Variants in CLMP observed in about 807,000 individuals in gnomAD.
CLMP encodes the protein CXADR-like membrane protein.
In CLMP, 27 loss-of-function variants were observed where a neutral mutation model predicts 45.2. The ratio of observed to expected loss-of-function variants is 0.60; its 90% confidence interval spans 0.44 to 0.82. The LOEUF is 0.82. Ranked by LOEUF, CLMP falls within the 40% of genes least tolerant of loss-of-function variation. CLMP has a pLI of 0.00. For missense variants in CLMP, 403 were observed against 448.4 expected, an observed-to-expected ratio of 0.90 and a Z score of 0.91; for synonymous variants, 167 against 171.4, an observed-to-expected ratio of 0.97 and a Z score of 0.20.
chr11:123,098,166 C>T (rs898252415), intron 1 of CLMP, among the ~76,000 whole-genome samples: 3 of 152,192 alleles, frequency 2.0e-5, no homozygotes, highest in Admixed American at 6.5e-5. Context: ...CCCCAAATTA[C>T]ATCCTACTAG....
chr11:123,150,507 G>GGAAA (rs1565397546), intron 1 of CLMP, among the ~76,000 whole-genome samples: 5 of 124,436 alleles, frequency 4.0e-5, no homozygotes, highest in African/African-American at 1.6e-4. Flanking sequence ...AAGGAAGGAA[G>GGAAA]GAAGGAAGGA....
chr11:123,085,938 C>T (rs920235222), intron 2 of CLMP, among the ~76,000 whole-genome samples: 4 of 151,704 alleles, frequency 2.6e-5, no homozygotes, highest in Non-Finnish European at 4.4e-5. Flanking sequence ...CACCATGACT[C>T]GCTCATTTTT....
intron 1 of CLMP, among the ~76,000 whole-genome samples, chr11:123,119,011 C>T (rs1173155085): frequency 1.1e-4 from 4 of 34,926 alleles, no homozygotes; most frequent in Admixed American, 3.4e-4. Context: ...CTCTCTCTCT[C>T]TCTCTCTCTC....
chr11:123,115,684 C>T (rs899951657), intron 1 of CLMP, among the ~76,000 whole-genome samples: 5 of 151,966 alleles, frequency 3.3e-5, no homozygotes, highest in Non-Finnish European at 2.9e-5. Context: ...TCCAAGGTGC[C>T]GGTTCTATTT....
At chr11:123,141,985 C>CTCTTTTTTTTTT (rs1861167822) in intron 1 of CLMP, among the ~76,000 whole-genome samples, 1 of 117,558 alleles carries the variant, frequency 8.5e-6, no homozygotes, top group Non-Finnish European at 1.7e-5. Context: ...TCCCCCCAGC[C>CTCTTTTTTTTTT]TTTTTTTTTT....
At chr11:123,159,402 T>A (rs572380670) in intron 1 of CLMP, among the ~76,000 whole-genome samples, 1 of 151,918 alleles carries the variant, frequency 6.6e-6, no homozygotes, top group Non-Finnish European at 1.5e-5. Context: ...GTGCGGTGGG[T>A]GAGGAGGCTA....
At chr11:123,117,047 G>A (rs1445702725) in intron 1 of CLMP, among the ~76,000 whole-genome samples, 3 of 152,072 alleles carry the variant, frequency 2.0e-5, no homozygotes, top group Admixed American at 2.0e-4. Flanking sequence ...TTAGGAGTTC[G>A]AGACCAGCCT....
chr11:123,169,150 T>C (rs1861597164), intron 1 of CLMP, among the ~76,000 whole-genome samples: 1 of 152,178 alleles, frequency 6.6e-6, no homozygotes, highest in African/African-American at 2.4e-5. Flanking sequence ...GGGCTCCAAA[T>C]GTCCAGGAGG....
At chr11:123,150,234 A>T (rs1202340500) in intron 1 of CLMP, among the ~76,000 whole-genome samples, 1 of 150,248 alleles carries the variant, frequency 6.7e-6, no homozygotes, top group Non-Finnish European at 1.5e-5. Flanking sequence ...ACACACAGGG[A>T]TTAGATCATA....
chr11:123,194,941 C>A lies in CLMP; in HGVS notation c.-1G>T. 6.2e-7 allele frequency: 1 copy of A among 1,612,408 alleles called. No individual in the cohort carries two copies. On this transcript the variant is annotated 5_prime_UTR_variant, in exon 1 of 7. Transcript: ENST00000448775. ...GCAAGAGGAGAAGGAGGAGGGACAT[C>A]CCGATCCCCGGACGCGGGCGCTTCC...
At chr11:123,088,385 C>T (rs1865889326) in intron 2 of CLMP, among the ~76,000 whole-genome samples, 1 of 152,148 alleles carries the variant, frequency 6.6e-6, no homozygotes, top group Non-Finnish European at 1.5e-5. Context: ...GGCAGGTAAG[C>T]TTGGAACACT....
At chr11:123,074,954 G>GTTTT in intron 5 of CLMP, 111 bp from the exon 6 acceptor site, 2 of 1,163,050 alleles carry the variant, frequency 1.7e-6, no homozygotes, top group East Asian at 2.7e-5. Flanking sequence ...AGGTTTGTTT[G>GTTTT]TTTTGTTTTT....
chr11:123,112,769 C>CT (rs1860657355), intron 1 of CLMP, among the ~76,000 whole-genome samples: 8 of 128,532 alleles, frequency 6.2e-5, no homozygotes, highest in Non-Finnish European at 1.1e-4. Context: ...TGTTAGTACC[C>CT]ATTTTTTTTT....
intron 1 of CLMP, among the ~76,000 whole-genome samples, chr11:123,099,438 TA>T (rs2135481678): frequency 6.6e-6 from 1 of 152,318 alleles, no homozygotes; most frequent in East Asian, 1.9e-4. Context: ...TATAGGCAAT[TA>T]ATTATAGGGT....
At chr11:123,168,355 C>G (rs932444040) in intron 1 of CLMP, among the ~76,000 whole-genome samples, 10 of 152,182 alleles carry the variant, frequency 6.6e-5, no homozygotes, top group East Asian at 1.9e-4. Flanking sequence ...CAGCTGCCCC[C>G]CCTGGTTCTT....
chr11:123,188,638 C>T (rs1435449107), intron 1 of CLMP, among the ~76,000 whole-genome samples: 2 of 152,188 alleles, frequency 1.3e-5, no homozygotes, highest in African/African-American at 4.8e-5. Context: ...AGCTTTCTCC[C>T]CTGCCTGCTG....
intron 1 of CLMP, among the ~76,000 whole-genome samples, chr11:123,129,387 A>C (rs766829442): frequency 5.2e-4 from 74 of 141,088 alleles, no homozygotes; most frequent in Admixed American, 6.7e-4. Context: ...ATATCATATG[A>C]TATATTATAT....
At chr11:123,142,054 G>C (rs1220005899) in intron 1 of CLMP, among the ~76,000 whole-genome samples, 1 of 148,158 alleles carries the variant, frequency 6.7e-6, no homozygotes, top group Non-Finnish European at 1.5e-5. Flanking sequence ...GTGTGAGCAC[G>C]GCCCACTGGA....
chr11:123,180,745 T>C (rs1861757843), intron 1 of CLMP, among the ~76,000 whole-genome samples: 1 of 152,170 alleles, frequency 6.6e-6, no homozygotes, highest in Admixed American at 6.5e-5. Context: ...GTGTTTGCAC[T>C]GAAACCTGAA....
Sources: allele counts gnomAD v4.1 joint callset (sites outside exome capture counted in the v4.1 genomes callset), GRCh38; gene constraint gnomAD v4.1.1; transcripts MANE v1.5; gene names NCBI Gene and HGNC (gene_info 2026-07-23, HGNC 2026-07-21).